DOP1A: variants seen among roughly 807,000 people sequenced by gnomAD.
DOP1A encodes protein DOP1A.
In DOP1A, 90 loss-of-function variants were observed where a neutral mutation model predicts 267.6. The observed-to-expected ratio is 0.34, with a 90% CI of 0.28 to 0.40. DOP1A has a LOEUF of 0.40. Ranked by LOEUF, DOP1A falls within the 10% of genes least tolerant of loss-of-function variation. The pLI, the probability that DOP1A is intolerant of heterozygous loss-of-function variation, is 1.00. For synonymous variants in DOP1A, 932 were observed against 999.1 expected, an observed-to-expected ratio of 0.93 and a Z score of 1.27; for missense variants, 2,437 against 2,900.4, an observed-to-expected ratio of 0.84 and a Z score of 3.67.
chr6:83,099,731 T>C (rs377051966), intron 3 of DOP1A, among the ~76,000 whole-genome samples: 248 of 120,938 alleles, frequency 2.1e-3, no homozygotes, highest in South Asian at 3.0e-3. Flanking sequence ...TATATATATA[T>C]ACACACGTAT....
chr6:83,116,822 A>C (rs979287650), intron 7 of DOP1A, among the ~76,000 whole-genome samples: 1 of 152,112 alleles, frequency 6.6e-6, no homozygotes, highest in Admixed American at 6.6e-5. Flanking sequence ...AAAAAAATCC[A>C]AAAAATACAG....
chr6:83,089,484 A>G (rs907011601), intron 1 of DOP1A, among the ~76,000 whole-genome samples: 1 of 152,194 alleles, frequency 6.6e-6, no homozygotes, highest in East Asian at 1.9e-4. Context: ...ATGACACTAA[A>G]TTATGTTTCA....
At chr6:83,123,095 T>A in intron 12 of DOP1A, 113 bp downstream of exon 12, 4 of 1,153,090 alleles carry the variant, frequency 3.5e-6, no homozygotes, top group Non-Finnish European at 4.8e-6. Context: ...TTACTAATAA[T>A]AACTGTTACT....
rs1296570553 is a variant in DOP1A at position 83,120,678 on chromosome 6, T to A, written c.991-5T>A. ...AAATGACCAGTGTACTTTCCTTTTT[T>A]AAAGGCAATGGTGGGAATCTTACAA... On this transcript the variant is annotated splice_polypyrimidine_tract_variant and splice_region_variant and intron_variant, in intron 9 of 38. Coordinates refer to ENST00000349129, the MANE Select transcript of DOP1A (RefSeq NM_015018.4). 6.4e-7 allele frequency: 1 copy of A among 1,564,726 alleles called. No individual in the cohort carries two copies. Among genetic ancestry groups the A allele is most frequent in the Non-Finnish European group, 8.7e-7 (1 of 1,144,178 alleles).
At chr6:83,112,635 T>C (rs1774759241) in intron 6 of DOP1A, among the ~76,000 whole-genome samples, 1 of 152,114 alleles carries the variant, frequency 6.6e-6, no homozygotes, top group Non-Finnish European at 1.5e-5. Context: ...CAGCTAATTT[T>C]TGTGTTTTTA....
At position 83,153,494 on chromosome 6, in the gene DOP1A, T is replaced by C. The variant is rs1164477999; in HGVS notation, c.6130-17T>C. 2 of 1,550,838 alleles carry C rather than the reference T, an allele frequency of 1.3e-6. No homozygotes were observed. The highest frequency in any genetic ancestry group is 1.8e-6 in the Non-Finnish European group (2 of 1,139,824). On this transcript the variant is annotated splice_polypyrimidine_tract_variant and intron_variant, in intron 30 of 38. Coordinates refer to ENST00000349129, the MANE Select transcript of DOP1A (RefSeq NM_015018.4). The stretch of plus-strand genomic sequence containing the variant: ...TTTCACCTCATATGTTACTCTTCAT[T>C]TTTTATGTTTTCATAGGTTTTGGCT...
At position 83,156,506 on chromosome 6, in the gene DOP1A, G is replaced by A. The variant is rs554269115; in HGVS notation, c.6604+403G>A. On this transcript the variant is annotated intron_variant, in intron 34 of 38. Coordinates refer to ENST00000349129, the MANE Select transcript of DOP1A (RefSeq NM_015018.4). ...AACACCTGGAGATCTGTAATTTGGG[G>A]ACTGCATGGGGGATTATGTAACATT... Among the ~76,000 whole-genome samples, 3 of 152,310 alleles carry A rather than the reference G, an allele frequency of 2.0e-5. No homozygotes were observed. The South Asian group carries it at 6.2e-4, about 32-fold the overall frequency.
chr6:83,157,957 T>C (rs908953507), intron 35 of DOP1A, among the ~76,000 whole-genome samples: 1 of 152,108 alleles, frequency 6.6e-6, no homozygotes, highest in South Asian at 2.1e-4. Flanking sequence ...GCTTTATAGT[T>C]TCCCTGCAAA....
At chr6:83,132,732 C>G (rs1365345453) in intron 18 of DOP1A, among the ~76,000 whole-genome samples, 2 of 151,870 alleles carry the variant, frequency 1.3e-5, no homozygotes, top group Non-Finnish European at 2.9e-5. Context: ...ATTTATAAGC[C>G]ATAGAATGCT....
At chr6:83,113,677 A>C (rs1376006518) in intron 7 of DOP1A, among the ~76,000 whole-genome samples, 1 of 152,204 alleles carries the variant, frequency 6.6e-6, no homozygotes, top group Admixed American at 6.5e-5. Flanking sequence ...AACATATAAA[A>C]AGCAAGAGGT....
intron 1 of DOP1A, among the ~76,000 whole-genome samples, chr6:83,082,562 G>A (rs1196172938): frequency 2.6e-5 from 4 of 152,174 alleles, no homozygotes; most frequent in African/African-American, 7.2e-5. Context: ...TATATAGTTA[G>A]GAGGAGTAAG....
At chr6:83,070,952 A>G (rs747890838) in intron 1 of DOP1A, among the ~76,000 whole-genome samples, 1 of 152,240 alleles carries the variant, frequency 6.6e-6, no homozygotes, top group Non-Finnish European at 1.5e-5. Context: ...AATATTTTAA[A>G]GGAAACTTGG....
chr6:83,079,599 G>C (rs1292219090), intron 1 of DOP1A, among the ~76,000 whole-genome samples: 2 of 152,060 alleles, frequency 1.3e-5, no homozygotes, highest in Non-Finnish European at 2.9e-5. Context: ...TTTTTTAAAT[G>C]CTGAAAACGT....
chr6:83,093,607 A>G (rs867559519), intron 1 of DOP1A, among the ~76,000 whole-genome samples: 5 of 152,330 alleles, frequency 3.3e-5, no homozygotes, highest in South Asian at 2.1e-4. Context: ...CAGTTCACCT[A>G]TTTAAAGTAT....
chr6:83,141,395 T>C (rs1041824692), intron 23 of DOP1A, among the ~76,000 whole-genome samples: 2 of 152,178 alleles, frequency 1.3e-5, no homozygotes. Flanking sequence ...TGTCAAGCTG[T>C]CAAATTGATA....
At chr6:83,096,237 C>T (rs986838523) in intron 1 of DOP1A, among the ~76,000 whole-genome samples, 1 of 151,564 alleles carries the variant, frequency 6.6e-6, no homozygotes. Context: ...ACAGGTGCCA[C>T]CATGCCTGGC....
chr6:83,144,067 CTG>C (rs1396030775), intron 24 of DOP1A, among the ~76,000 whole-genome samples: 1 of 152,192 alleles, frequency 6.6e-6, no homozygotes, highest in African/African-American at 2.4e-5. Context: ...TCCAGCCAAA[CTG>C]TCACTCAAAC....
chr6:83,157,374 G>A, intron 35 of DOP1A, 56 bp downstream of exon 35: 1 of 1,553,796 alleles, frequency 6.4e-7, no homozygotes, highest in Non-Finnish European at 8.9e-7. Flanking sequence ...ACAGTGATTA[G>A]TTTCCATGTG....
At chr6:83,158,236 T>A (rs542251728) in intron 35 of DOP1A, among the ~76,000 whole-genome samples, 2 of 152,146 alleles carry the variant, frequency 1.3e-5, no homozygotes, top group Admixed American at 6.5e-5. Context: ...CTCCTGACCT[T>A]GTGATCTGCC....
Sources: allele counts gnomAD v4.1 joint callset (sites outside exome capture counted in the v4.1 genomes callset), GRCh38; gene constraint gnomAD v4.1.1; transcripts MANE v1.5; gene names NCBI Gene and HGNC (gene_info 2026-07-23, HGNC 2026-07-21).